Variants in DPYD observed in about 807,000 individuals in gnomAD.
DPYD encodes the protein dihydropyrimidine dehydrogenase.
In DPYD, 109 loss-of-function variants were observed where a neutral mutation model predicts 116.2. That is an observed-to-expected ratio of 0.94 (90% CI 0.80 to 1.10). The LOEUF is 1.10. Ranked by LOEUF, DPYD falls within the 50% of genes least tolerant of loss-of-function variation. The pLI is 0.00. For missense variants in DPYD, 1,302 were observed against 1,254.5 expected, an observed-to-expected ratio of 1.04 and a Z score of -0.57; for synonymous variants, 440 against 432.0, an observed-to-expected ratio of 1.02 and a Z score of -0.23.
chr1:97,898,810 G>A (rs763113273), intron 1 of DPYD, among the ~76,000 whole-genome samples: 1 of 151,892 alleles, frequency 6.6e-6, no homozygotes, highest in Non-Finnish European at 1.5e-5. Flanking sequence ...TTTCTACATG[G>A]TGGTTCCTCT....
intron 14 of DPYD, among the ~76,000 whole-genome samples, chr1:97,393,997 G>C (rs894099584): frequency 2.6e-5 from 4 of 152,138 alleles, no homozygotes; most frequent in Non-Finnish European, 5.9e-5. Flanking sequence ...ACTGGTGTGA[G>C]ATGGTATCTC....
intron 13 of DPYD, among the ~76,000 whole-genome samples, chr1:97,502,347 A>C (rs564438797): frequency 7.2e-5 from 11 of 152,176 alleles, no homozygotes; most frequent in Non-Finnish European, 1.6e-4. Context: ...TAAGGGCCTG[A>C]AAATTACCAG....
At chr1:97,530,410 GT>G (rs1165086596) in intron 12 of DPYD, among the ~76,000 whole-genome samples, 1 of 151,636 alleles carries the variant, frequency 6.6e-6, no homozygotes, top group African/African-American at 2.4e-5. Flanking sequence ...GTAGAGACGG[GT>G]TTTCACCATG....
intron 8 of DPYD, among the ~76,000 whole-genome samples, chr1:97,676,969 C>T (rs1660175701): frequency 6.6e-6 from 1 of 152,202 alleles, no homozygotes; most frequent in Non-Finnish European, 1.5e-5. Context: ...AAGGACTCTA[C>T]ATTCTAAATG....
At chr1:97,166,509 C>G (rs1053984054) in intron 20 of DPYD, among the ~76,000 whole-genome samples, 4 of 151,906 alleles carry the variant, frequency 2.6e-5, no homozygotes, top group African/African-American at 9.7e-5. Flanking sequence ...AAAAGGGGCC[C>G]CCATGACATG....
chr1:97,595,286 G>A (rs1418568431), intron 8 of DPYD, 120 bp from the exon 9 acceptor site: 6 of 724,634 alleles, frequency 8.3e-6, no homozygotes, highest in Admixed American at 4.8e-5. Context: ...GAAAACATCT[G>A]TAAGCAAATC....
chr1:97,623,649 A>T (rs1656757179), intron 8 of DPYD, among the ~76,000 whole-genome samples: 1 of 151,992 alleles, frequency 6.6e-6, no homozygotes, highest in Admixed American at 6.6e-5. Context: ...ATATGGAACC[A>T]TTGAAAAACC....
intron 13 of DPYD, among the ~76,000 whole-genome samples, chr1:97,467,344 T>G (rs923414821): frequency 1.3e-5 from 2 of 152,174 alleles, no homozygotes; most frequent in Non-Finnish European, 2.9e-5. Context: ...AAACAAAGCT[T>G]CTCTTCCTTA....
intron 13 of DPYD, among the ~76,000 whole-genome samples, chr1:97,491,417 A>G (rs977954525): frequency 3.6e-4 from 54 of 151,782 alleles, no homozygotes; most frequent in Admixed American, 6.6e-5. Context: ...CACCCTTGAA[A>G]CTGAAAAATA....
At chr1:97,583,963 G>C (rs963276777) in intron 10 of DPYD, among the ~76,000 whole-genome samples, 1 of 152,048 alleles carries the variant, frequency 6.6e-6, no homozygotes, top group African/African-American at 2.4e-5. Context: ...GGTATTTCTA[G>C]TTCTAGATCC....
chr1:97,853,271 G>C (rs1371456003), intron 2 of DPYD, among the ~76,000 whole-genome samples: 1 of 152,026 alleles, frequency 6.6e-6, no homozygotes, highest in Non-Finnish European at 1.5e-5. Flanking sequence ...ATTAATTATT[G>C]ATTTATATTT....
intron 15 of DPYD, among the ~76,000 whole-genome samples, chr1:97,375,400 T>C (rs964150585): frequency 1.3e-5 from 2 of 152,234 alleles, no homozygotes; most frequent in African/African-American, 4.8e-5. Flanking sequence ...CGGTTGATAG[T>C]CTTGCCTATC....
intron 16 of DPYD, among the ~76,000 whole-genome samples, chr1:97,329,895 A>T (rs1408825017): frequency 6.6e-6 from 1 of 150,646 alleles, no homozygotes; most frequent in Non-Finnish European, 1.5e-5. Context: ...ACTTTTGATG[A>T]AGGTTAAAAT....
intron 4 of DPYD, among the ~76,000 whole-genome samples, chr1:97,728,335 G>A (rs960091227): frequency 1.3e-5 from 2 of 151,998 alleles, no homozygotes; most frequent in African/African-American, 4.8e-5. Flanking sequence ...TGCCACTTAG[G>A]TGAGTTAATT....
intron 3 of DPYD, among the ~76,000 whole-genome samples, chr1:97,759,471 A>G (rs1360402883): frequency 1.3e-5 from 2 of 152,086 alleles, no homozygotes; most frequent in East Asian, 3.9e-4. Flanking sequence ...CATCTTTGAT[A>G]TTTCTTTTTC....
At chr1:97,508,720 G>C (rs1225601787) in intron 13 of DPYD, among the ~76,000 whole-genome samples, 1 of 151,888 alleles carries the variant, frequency 6.6e-6, no homozygotes. Flanking sequence ...AGTGGAAATT[G>C]CAGGGATTTG....
intron 18 of DPYD, among the ~76,000 whole-genome samples, chr1:97,266,893 T>A (rs1337035691): frequency 1.3e-5 from 2 of 152,162 alleles, no homozygotes; most frequent in East Asian, 3.9e-4. Context: ...TATTCCACGG[T>A]GTATATGTGC....
intron 8 of DPYD, among the ~76,000 whole-genome samples, chr1:97,596,668 C>T (rs929039790): frequency 6.6e-6 from 1 of 152,050 alleles, no homozygotes; most frequent in Non-Finnish European, 1.5e-5. Context: ...ATAAGCATAG[C>T]CGAAGGATGA....
In DPYD at chr1:97,193,055, A is replaced by T. The variant is rs968199389; in HGVS notation, c.2622+14T>A. On this transcript the variant is annotated intron_variant, in intron 20 of 22. Coordinates refer to ENST00000370192, the MANE Select transcript of DPYD (RefSeq NM_000110.4). The stretch of plus-strand genomic sequence containing the variant: ...TGAGTTCTCAAGAATAACACAGGAG[A>T]TTTAAGCACATACCTTGTCCATGAG... 2.5e-6 allele frequency: 4 copies of T among 1,613,712 alleles called. No individual in the cohort carries two copies. Among genetic ancestry groups the T allele is most frequent in the Admixed American group, 3.3e-5 (2 of 60,004 alleles).
Sources: allele counts gnomAD v4.1 joint callset (sites outside exome capture counted in the v4.1 genomes callset), GRCh38; gene constraint gnomAD v4.1.1; transcripts MANE v1.5; gene names NCBI Gene and HGNC (gene_info 2026-07-23, HGNC 2026-07-21).